The following ST3GAL3 variants were observed in gnomAD, a reference collection of about 807,000 sequenced individuals.
ST3GAL3 encodes ST3 beta-galactoside alpha-2,3-sialyltransferase 3, also known as CMP-N-acetylneuraminate-beta-1,4-galactoside alpha-2,3-sialyltransferase.
ST3GAL3 carries 21 observed loss-of-function variants against 50.1 expected under a neutral mutation model. The observed-to-expected ratio is 0.42, with a 90% CI of 0.30 to 0.60. The LOEUF is 0.60. Among genes scored for constraint, ST3GAL3 ranks in the 20% least tolerant of loss-of-function variants. The probability of loss-of-function intolerance (pLI) is 0.19; values close to 1 mark genes in which losing one functional copy is unlikely to be tolerated. For synonymous variants in ST3GAL3, 183 were observed against 190.0 expected (o/e 0.96, Z 0.30); for missense variants, 353 against 489.4 (o/e 0.72, Z 2.63).
intron 5 of ST3GAL3, chr1:43,858,065 G>T (rs906668501): frequency 8.3e-7 from 1 of 1,208,984 alleles, no homozygotes; most frequent in South Asian, 1.3e-5. Flanking sequence ...ACAGGTTTTT[G>T]AAGTGAATAG....
chr1:43,911,938 C>T (rs1406632762), intron 9 of ST3GAL3: 1 of 152,166 alleles, frequency 6.6e-6, no homozygotes, highest in African/African-American at 2.4e-5. Context: ...GATCTGCCCA[C>T]CTCAGCCTCG....
chr1:43,721,643 C>T (rs975957059), intron 1 of ST3GAL3, among the ~76,000 whole-genome samples: 4 of 151,216 alleles, frequency 2.6e-5, no homozygotes, highest in African/African-American at 9.7e-5. Context: ...TCGCTCTTGT[C>T]CAGGCTGGAG....
intron 9 of ST3GAL3, among the ~76,000 whole-genome samples, chr1:43,906,262 A>ACTC (rs1222875865): frequency 7.2e-5 from 1 of 13,938 alleles, no homozygotes; most frequent in Non-Finnish European, 1.5e-4. Context: ...TCTTCCCCTG[A>ACTC]CTCCTCCTCC....
intron 2 of ST3GAL3, among the ~76,000 whole-genome samples, chr1:43,769,581 G>A (rs940437346): frequency 6.6e-6 from 1 of 152,142 alleles, no homozygotes; most frequent in Non-Finnish European, 1.5e-5. Flanking sequence ...AATAGGGAAG[G>A]TAGGAAAGAG....
chr1:43,868,948 T>C (rs887048938), intron 5 of ST3GAL3, among the ~76,000 whole-genome samples: 1 of 152,036 alleles, frequency 6.6e-6, no homozygotes. Context: ...ATGAAGAAAG[T>C]CCCTAGATGC....
Sources: allele counts gnomAD v4.1 joint callset (sites outside exome capture counted in the v4.1 genomes callset), GRCh38; gene constraint gnomAD v4.1.1; transcripts MANE v1.5; gene names NCBI Gene and HGNC (gene_info 2026-07-23, HGNC 2026-07-21).